Variants in CDH23 observed in about 807,000 individuals in gnomAD.
CDH23 encodes the protein cadherin related 23, also known as cadherin-23.
CDH23 carries 189 observed loss-of-function variants against 317.1 expected under a neutral mutation model. The ratio of observed to expected loss-of-function variants is 0.60; its 90% CI spans 0.53 to 0.67. CDH23 has a LOEUF of 0.67. Ranked by LOEUF, CDH23 falls within the 30% of genes least tolerant of loss-of-function variation. The pLI is 0.00. For synonymous variants in CDH23, 1,839 were observed against 1,876.8 expected, an observed-to-expected ratio of 0.98 and a Z score of 0.52; for missense variants, 4,401 against 4,592.4, an observed-to-expected ratio of 0.96 and a Z score of 1.20.
At chr10:71,620,490 C>A (rs1005283001) in intron 11 of CDH23, among the ~76,000 whole-genome samples, 2 of 152,186 alleles carry the variant, frequency 1.3e-5, no homozygotes, top group Admixed American at 1.3e-4. Context: ...TCTCAGGCTG[C>A]CTTTGCTAGA....
At chr10:71,798,879 G>A (rs1841480409) in intron 50 of CDH23, among the ~76,000 whole-genome samples, 1 of 152,114 alleles carries the variant, frequency 6.6e-6, no homozygotes, top group Admixed American at 6.6e-5. Context: ...TCAGGTCCTG[G>A]GCTAGTTGAT....
At chr10:71,791,598 G>A (rs1440751391) in intron 47 of CDH23, among the ~76,000 whole-genome samples, 7 of 148,442 alleles carry the variant, frequency 4.7e-5, no homozygotes, top group Admixed American at 1.3e-4. Context: ...TTTTTAAGAC[G>A]GAGTTTTGCT....
At chr10:71,666,893 T>A (rs1268627487) in intron 14 of CDH23, among the ~76,000 whole-genome samples, 1 of 152,222 alleles carries the variant, frequency 6.6e-6, no homozygotes, top group African/African-American at 2.4e-5. Context: ...GAATGATGAA[T>A]GAGGAAAGCA....
At chr10:71,405,000 G>C (rs566979202) in intron 1 of CDH23, among the ~76,000 whole-genome samples, 2 of 152,316 alleles carry the variant, frequency 1.3e-5, no homozygotes, top group South Asian at 4.1e-4. Flanking sequence ...GCAAGAGAGA[G>C]TGGGAGGGCA....
At chr10:71,680,608 C>G (rs976424590) in intron 17 of CDH23, among the ~76,000 whole-genome samples, 1 of 151,654 alleles carries the variant, frequency 6.6e-6, no homozygotes, top group African/African-American at 2.4e-5. Flanking sequence ...ATTGGCCAGG[C>G]GTGGTGGTGT....
intron 22 of CDH23, among the ~76,000 whole-genome samples, chr10:71,700,929 A>C (rs1342098550): frequency 1.3e-5 from 2 of 152,180 alleles, no homozygotes; most frequent in Non-Finnish European, 2.9e-5. Context: ...AAAGCACAAA[A>C]GGCTCCACAT....
chr10:71,621,398 C>T (rs982069180), intron 11 of CDH23, among the ~76,000 whole-genome samples: 44 of 152,218 alleles, frequency 2.9e-4, no homozygotes, highest in African/African-American at 1.0e-3. Flanking sequence ...CTAAATCTAA[C>T]TCCTGATTGC....
rs190512241 is a variant in CDH23 at position 71,510,851 on chromosome 10, C to T, written c.289-103C>T. The T allele has an allele frequency of 3.2e-5, 36 of 1,142,606 alleles. No homozygotes were observed. In the East Asian group the frequency reaches 7.0e-4, roughly 22 times the overall value. 70.8% of individuals were successfully genotyped at this position (1,142,606 alleles called of 1,614,324 possible). A position where few individuals can be genotyped will look rare whatever the true frequency, so the allele number is the denominator to read the frequency against. On this transcript the variant is annotated intron_variant, in intron 4 of 69. Transcript: ENST00000224721. The stretch of plus-strand genomic sequence containing the variant: ...CTTTGGGTGCCTGGTTCCAGGCAAG[C>T]TCCTAGGGCAATCCTGGAGCCCCTC...
At chr10:71,483,347 G>A (rs1025633836) in intron 3 of CDH23, among the ~76,000 whole-genome samples, 3 of 152,216 alleles carry the variant, frequency 2.0e-5, no homozygotes, top group Non-Finnish European at 2.9e-5. Context: ...CCCAGGCAGC[G>A]GGGTGGGAGT....
intron 38 of CDH23, among the ~76,000 whole-genome samples, chr10:71,761,142 C>A (rs572586662): frequency 4.6e-5 from 7 of 152,266 alleles, no homozygotes; most frequent in African/African-American, 7.2e-5. Flanking sequence ...CATGTGAATA[C>A]CCGCTGGTGC....
intron 3 of CDH23, among the ~76,000 whole-genome samples, chr10:71,479,401 A>C (rs564885334): frequency 6.6e-6 from 1 of 152,206 alleles, no homozygotes; most frequent in African/African-American, 2.4e-5. Context: ...GGGCGGGTGA[A>C]CTGAATCCCG....
chr10:71,502,938 C>T (rs912569432), intron 3 of CDH23, among the ~76,000 whole-genome samples: 29 of 152,228 alleles, frequency 1.9e-4, no homozygotes, highest in Admixed American at 7.8e-4. Flanking sequence ...CTGGCCCGCC[C>T]CTCATCTAGC....
chr10:71,622,846 C>G (rs1861533385), intron 11 of CDH23: 1 of 749,506 alleles, frequency 1.3e-6, no homozygotes, highest in Admixed American at 6.3e-5. Context: ...GGACACCACT[C>G]TCTTCCCCAC....
intron 38 of CDH23, among the ~76,000 whole-genome samples, chr10:71,758,521 C>T (rs10999986): frequency 0.035 from 5,334 of 152,274 alleles, 180 homozygotes; most frequent in African/African-American, 0.089. Flanking sequence ...CTGTAGGGCA[C>T]CTCTCTGGCA....
chr10:71,694,307 C>T (rs778059285), intron 21 of CDH23, 48 bp downstream of exon 21: 11 of 1,390,236 alleles, frequency 7.9e-6, no homozygotes, highest in African/African-American at 4.2e-5. Context: ...GCCGGCCAGG[C>T]TGCTGCTCCC....
intron 14 of CDH23, among the ~76,000 whole-genome samples, chr10:71,658,463 C>A (rs1010747149): frequency 6.6e-6 from 1 of 152,236 alleles, no homozygotes; most frequent in Non-Finnish European, 1.5e-5. Flanking sequence ...TGATTTAAGG[C>A]CTCACTGCCT....
At chr10:71,584,001 G>T (rs1042979751) in intron 9 of CDH23, among the ~76,000 whole-genome samples, 3 of 152,078 alleles carry the variant, frequency 2.0e-5, no homozygotes, top group African/African-American at 7.2e-5. Context: ...AGAAATGCAA[G>T]GTTTTGCATC....
intron 3 of CDH23, among the ~76,000 whole-genome samples, chr10:71,457,475 C>A (rs778482276): frequency 1.3e-5 from 2 of 151,528 alleles, no homozygotes; most frequent in African/African-American, 2.4e-5. Flanking sequence ...ACACTCTTAC[C>A]GCCCTGCAAT....
In CDH23 at chr10:71,566,771, C is replaced by T. The variant is rs778279958; in HGVS notation, c.459C>T (p.Ile153=). Residue 153 remains isoleucine, a synonymous_variant, in exon 7 of 70, where the codon ATC becomes ATT. Transcript: ENST00000224721. ...CACCAGTGGGGACGCCCATCTTCAT[C>T]GTGAATGCCACAGACCCCGACTTGG... ...ENTPVGTPIF[I]VNATDPDLGA... 3.6e-5 allele frequency: 58 copies of T among 1,609,370 alleles called. No individual in the cohort carries two copies. The South Asian group carries it at 5.1e-4, about 14-fold the overall frequency.
Sources: allele counts gnomAD v4.1 joint callset (sites outside exome capture counted in the v4.1 genomes callset), GRCh38; gene constraint gnomAD v4.1.1; transcripts MANE v1.5; gene names NCBI Gene and HGNC (gene_info 2026-07-23, HGNC 2026-07-21).